The following FAM216A variants were observed in gnomAD, a reference collection of about 807,000 sequenced individuals.
FAM216A encodes protein FAM216A.
FAM216A carries 26 observed loss-of-function variants against 37.6 expected under a neutral mutation model. The observed-to-expected ratio is 0.69, with a 90% CI of 0.51 to 0.96. FAM216A has a LOEUF of 0.96. FAM216A is among the 40% of genes least tolerant of loss of function. The pLI, the probability that FAM216A is intolerant of heterozygous loss-of-function variation, is 0.00. For synonymous variants in FAM216A, 110 were observed against 121.7 expected (o/e 0.90, Z 0.64); for missense variants, 326 against 339.3 (o/e 0.96, Z 0.31).
Position 110,474,094 on chromosome 12 carries a change from A to G in FAM216A, c.184+976A>G, listed in dbSNP as rs1354570775. Among the ~76,000 whole-genome samples the G allele has an allele frequency of 2.0e-5, 3 of 152,198 alleles. No homozygotes were observed. The East Asian group carries it at 5.8e-4, about 29-fold the overall frequency. ...ACCTGGGAAAAAAATATACAGACAT[A>G]TATGTGTGCATATATACATATATAA... is the stretch of plus-strand genomic sequence containing the variant. On this transcript the variant is annotated intron_variant, in intron 2 of 6. Transcript: ENST00000377673.
At chr12:110,471,495 A>G (rs1264818725) in intron 1 of FAM216A, among the ~76,000 whole-genome samples, 19 of 152,178 alleles carry the variant, frequency 1.2e-4, no homozygotes, top group Admixed American at 1.2e-3. Flanking sequence ...TGGCTATGTA[A>G]GCACTGCCAC....
At chr12:110,469,207 C>A in intron 1 of FAM216A, 189 bp downstream of exon 1, 1 of 616,226 alleles carries the variant, frequency 1.6e-6, no homozygotes, top group Non-Finnish European at 2.5e-6. Context: ...GACTGCCTCG[C>A]GGTTGAGGGA....
chr12:110,477,857 G>A (rs992496798), intron 2 of FAM216A, among the ~76,000 whole-genome samples: 1 of 151,892 alleles, frequency 6.6e-6, no homozygotes, highest in Non-Finnish European at 1.5e-5. Flanking sequence ...ACAGGTGCCT[G>A]CCACCATGCC....
chr12:110,489,688 GAA>G (rs1456935866), intron 6 of FAM216A, among the ~76,000 whole-genome samples: 1 of 152,106 alleles, frequency 6.6e-6, no homozygotes, highest in Admixed American at 6.6e-5. Context: ...GTCCCCAATA[GAA>G]GAGATGAGAA....
intron 2 of FAM216A, among the ~76,000 whole-genome samples, chr12:110,475,754 C>A (rs1283910766): frequency 6.7e-6 from 1 of 149,526 alleles, no homozygotes; most frequent in African/African-American, 2.5e-5. Flanking sequence ...GGGTATTTAT[C>A]TTAGCTATAT....
At chr12:110,481,161 T>C (rs1181687696) in intron 2 of FAM216A, among the ~76,000 whole-genome samples, 1 of 152,208 alleles carries the variant, frequency 6.6e-6, no homozygotes, top group Non-Finnish European at 1.5e-5. Flanking sequence ...TGTTTATATA[T>C]TCACCTGTTG....
intron 2 of FAM216A, among the ~76,000 whole-genome samples, chr12:110,479,856 C>A (rs1413621175): frequency 1.3e-5 from 2 of 150,670 alleles, no homozygotes; most frequent in African/African-American, 2.4e-5. Context: ...CCAAAAAAAA[C>A]AAAAAACAAA....
Position 110,486,525 on chromosome 12 carries a change from G to T in FAM216A, c.437-9G>T, listed in dbSNP as rs751023801. ...GAGAGGGTCTTTTAACAGGTGATTT[G>T]TATCACAGGTGTCCTCACTCATCAC... On this transcript the variant is annotated splice_polypyrimidine_tract_variant and intron_variant, in intron 4 of 6. Coordinates refer to ENST00000377673, the MANE Select transcript of FAM216A (RefSeq NM_013300.3). 6.2e-7 allele frequency: 1 copy of T among 1,610,568 alleles called. No homozygotes were observed. Among genetic ancestry groups the T allele is most frequent in the South Asian group, 1.1e-5 (1 of 90,944 alleles).
intron 2 of FAM216A, among the ~76,000 whole-genome samples, chr12:110,479,754 C>T (rs2062735356): frequency 6.6e-6 from 1 of 151,730 alleles, no homozygotes; most frequent in South Asian, 2.1e-4. Flanking sequence ...AGGAGAATCA[C>T]TTGAACCAGG....
At chr12:110,485,606 AAG>A (rs2062773054) in intron 3 of FAM216A, among the ~76,000 whole-genome samples, 1 of 152,218 alleles carries the variant, frequency 6.6e-6, no homozygotes, top group African/African-American at 2.4e-5. Flanking sequence ...GATTTAAAAA[AAG>A]AAAAATAAAT....
Position 110,468,867 on chromosome 12 carries a change from G to A in FAM216A, c.-9G>A. On this transcript the variant is annotated 5_prime_UTR_variant, in exon 1 of 7. Transcript: ENST00000377673. ...AGCAGCCTGACGCACGCGTGCTGTC[G>A]GGGGAGGGATGCTGGGACAGCTGCT... is the stretch of plus-strand genomic sequence containing the variant. 1 of 1,497,306 alleles carries A rather than the reference G, an allele frequency of 6.7e-7. No homozygotes were observed. Among genetic ancestry groups the A allele is most frequent in the Non-Finnish European group, 8.9e-7 (1 of 1,123,658 alleles). The allele number at this position is 1,497,306 out of a possible 1,614,324, so 92.8% of individuals were successfully genotyped here. A position where few individuals can be genotyped will look rare whatever the true frequency, so the allele number is the denominator to read the frequency against.
At chr12:110,477,121 T>C (rs2062718772) in intron 2 of FAM216A, among the ~76,000 whole-genome samples, 1 of 152,210 alleles carries the variant, frequency 6.6e-6, no homozygotes, top group Non-Finnish European at 1.5e-5. Flanking sequence ...AGCACAGAAG[T>C]GGTGCTGAGT....
intron 6 of FAM216A, among the ~76,000 whole-genome samples, chr12:110,488,835 G>C (rs2062792207): frequency 6.6e-6 from 1 of 152,084 alleles, no homozygotes; most frequent in Admixed American, 6.6e-5. Context: ...ATAAATAATA[G>C]AACAATTTTA....
rs2062786067 is a variant in FAM216A at position 110,487,926 on chromosome 12, A to T, written c.686A>T (p.Lys229Ile). Residue 229 changes from lysine to isoleucine, a missense_variant, in exon 6 of 7, where the codon AAA becomes ATA. By Grantham distance (102) the Lys-to-Ile change is moderately radical. Coordinates refer to ENST00000377673, the MANE Select transcript of FAM216A (RefSeq NM_013300.3). ...CTGAAGATTTTTAGAAGACCAAGGA[A>T]ACTGTTCATGCAAACAGGTAAATGT... Reference protein sequence around the residue: ...KSLKIFRRPRKLFMQTVSSDD... With the variant: ...KSLKIFRRPRILFMQTVSSDD... The T allele has an allele frequency of 1.1e-5, 18 of 1,602,420 alleles. No homozygotes were observed. Among genetic ancestry groups the T allele is most frequent in the Non-Finnish European group, 1.5e-5 (17 of 1,171,496 alleles).
intron 2 of FAM216A, among the ~76,000 whole-genome samples, chr12:110,473,440 GACCTCAGGTGATCC>G (rs1306182671): frequency 1.3e-5 from 2 of 152,158 alleles, no homozygotes; most frequent in Non-Finnish European, 2.9e-5. Flanking sequence ...TGGAGCTCCT[GACCTCAGGTGATCC>G]ACCTGCCTCC....
rs1592986180 is a variant in FAM216A, at chr12:110,490,350, C to G, written c.*213C>G. 6.1e-6 allele frequency: 3 copies of G among 492,858 alleles called. No individual in the cohort carries two copies. The highest frequency in any genetic ancestry group is 2.0e-5 in the African/African-American group (1 of 50,042). The allele number at this position is 492,858 out of a possible 1,614,324, so 30.5% of individuals were successfully genotyped here. A position where few individuals can be genotyped will look rare whatever the true frequency, so the allele number is the denominator to read the frequency against. Reference sequence around the variant, plus strand: ...TTACATGTAACATATACTTGTACTTCTAGCTAGATACAATTAAAACTTTTC... The same window carrying G: ...TTACATGTAACATATACTTGTACTTGTAGCTAGATACAATTAAAACTTTTC... On this transcript the variant is annotated 3_prime_UTR_variant, in exon 7 of 7. Transcript: ENST00000377673.
At position 110,487,542 on chromosome 12, in the gene FAM216A, G is replaced by T. The variant is rs909542757; in HGVS notation, c.621-319G>T. On this transcript the variant is annotated intron_variant, in intron 5 of 6. Coordinates refer to ENST00000377673, the MANE Select transcript of FAM216A (RefSeq NM_013300.3). ...AATTTCTTTATCAGATAGAGTTATG[G>T]ATGACTGCCCTTTTCAATATAATTC... 16 of 254,758 alleles carry T rather than the reference G, an allele frequency of 6.3e-5. 1 individual carries two copies. The highest frequency in any genetic ancestry group is 1.5e-5 in the Non-Finnish European group (2 of 134,584). 15.8% of individuals were successfully genotyped at this position (254,758 alleles called of 1,614,324 possible).
In FAM216A at chr12:110,473,105, T is replaced by C; in HGVS notation, c.171T>C (p.Asn57=). ...GGSAGYSCYQ[N]SKGSDRIKDG... ...CAGCTGGATACTCTTGTTACCAGAA[T>C]TCCAAAGGTTCTGGTGAGTAGTGCA... is the stretch of plus-strand genomic sequence containing the variant. Residue 57 remains asparagine (N), a synonymous_variant, in exon 2 of 7, where the codon AAT becomes AAC. Coordinates refer to ENST00000377673, the MANE Select transcript of FAM216A (RefSeq NM_013300.3). 6.4e-7 allele frequency: 1 copy of C among 1,565,910 alleles called. No individual in the cohort carries two copies. The highest frequency in any genetic ancestry group is 1.4e-5 in the African/African-American group (1 of 73,936).
At chr12:110,476,460 G>T (rs373715375) in intron 2 of FAM216A, among the ~76,000 whole-genome samples, 1 of 151,700 alleles carries the variant, frequency 6.6e-6, no homozygotes, top group Admixed American at 6.6e-5. Context: ...TACCCGCCTC[G>T]GCCTCCCAAA....
Sources: allele counts gnomAD v4.1 joint callset (sites outside exome capture counted in the v4.1 genomes callset), GRCh38; gene constraint gnomAD v4.1.1; transcripts MANE v1.5; gene names NCBI Gene and HGNC (gene_info 2026-07-23, HGNC 2026-07-21).